Variants in CALU observed in about 807,000 individuals in gnomAD.
The protein encoded by CALU is calumenin.
CALU carries 13 observed loss-of-function variants against 37.5 expected under a neutral mutation model. The observed-to-expected ratio is 0.35, with a 90% CI of 0.23 to 0.55. The LOEUF (loss-of-function observed/expected upper bound fraction) is 0.55, where lower values mean the gene tolerates loss of function less well. Among genes scored for constraint, CALU ranks in the 20% least tolerant of loss-of-function variants. The pLI is 0.89. For missense variants in CALU, 282 were observed against 391.7 expected (o/e 0.72, Z 2.36); for synonymous variants, 114 against 133.8 (o/e 0.85, Z 1.02).
intron 5 of CALU, among the ~76,000 whole-genome samples, chr7:128,760,775 G>C (rs1039487108): frequency 1.3e-5 from 2 of 152,220 alleles, no homozygotes; most frequent in Non-Finnish European, 2.9e-5. Context: ...GGGTGTAGTG[G>C]CAGGCGCCTG....
At chr7:128,765,272 GT>G (rs1320170620) in intron 5 of CALU, among the ~76,000 whole-genome samples, 1 of 152,016 alleles carries the variant, frequency 6.6e-6, no homozygotes, top group African/African-American at 2.4e-5. Flanking sequence ...CTAGGCTGGA[GT>G]GCAGTGGCAT....
intron 1 of CALU, among the ~76,000 whole-genome samples, chr7:128,746,762 C>CTTTTTTTTTTTTTTTTTTTTTTTT (rs71162530): frequency 8.2e-6 from 1 of 122,660 alleles, no homozygotes. Flanking sequence ...TCATGTCATT[C>CTTTTTTTTTTTTTTTTTTTTTTTT]TTTTTTTTTT....
intron 4 of CALU, 84 bp downstream of exon 4, chr7:128,759,121 CATATCTT>C: frequency 1.0e-6 from 1 of 975,042 alleles, no homozygotes; most frequent in Non-Finnish European, 1.6e-6. Context: ...CCTTATATAG[CATATCTT>C]ATATATATAT....
At chr7:128,746,762 C>CTTTTTTTTTTT (rs71162530) in intron 1 of CALU, among the ~76,000 whole-genome samples, 5 of 122,656 alleles carry the variant, frequency 4.1e-5, no homozygotes, top group Non-Finnish European at 6.6e-5. Context: ...TCATGTCATT[C>CTTTTTTTTTTT]TTTTTTTTTT....
chr7:128,768,847 C>CAAAAAAAAAAAAAAAAAA (rs1012831963), intron 6 of CALU, among the ~76,000 whole-genome samples: 1,164 of 55,004 alleles, frequency 0.021, 158 homozygotes, highest in Non-Finnish European at 0.025. Flanking sequence ...AACTCCGTCT[C>CAAAAAAAAAAAAAAAAAA]AAAAAAAAAA....
intron 1 of CALU, among the ~76,000 whole-genome samples, chr7:128,743,705 G>A (rs890879154): frequency 6.6e-6 from 1 of 151,852 alleles, no homozygotes; most frequent in African/African-American, 2.4e-5. Context: ...TATTTTTGGT[G>A]GAGATGGGAT....
rs1800791557 is a variant in CALU at position 128,754,455 on chromosome 7, G to A, written c.415G>A (p.Asp139Asn). ...YKNATYGYVL[D>N]DPDPDDGFNY... ...AAATGCCACCTACGGCTACGTTTTAGGTAGGTCCCTACTGTCTGGGGGAAA... is the reference window on the plus strand; with the variant it reads ...AAATGCCACCTACGGCTACGTTTTAAGTAGGTCCCTACTGTCTGGGGGAAA... Residue 139 changes from aspartate (D) to asparagine (N), a missense_variant and splice_region_variant, in exon 3 of 7, where the codon GAT (aspartate) becomes AAT (asparagine). Transcript: ENST00000249364. 6.2e-7 allele frequency: 1 copy of A among 1,612,376 alleles called. No individual in the cohort carries two copies. The highest frequency in any genetic ancestry group is 1.3e-5 in the African/African-American group (1 of 74,794).
chr7:128,748,496 G>A (rs562252787), intron 1 of CALU, 77 bp from the exon 2 acceptor site: 69 of 1,241,962 alleles, frequency 5.6e-5, no homozygotes, highest in Middle Eastern at 3.9e-4. Flanking sequence ...AGTTTAACTC[G>A]GATGTGAGCT....
chr7:128,753,091 A>AGTT (rs745684113), intron 2 of CALU, among the ~76,000 whole-genome samples: 1 of 152,264 alleles, frequency 6.6e-6, no homozygotes, highest in Non-Finnish European at 1.5e-5. Flanking sequence ...TTTAAGTAAT[A>AGTT]GTTGTATCTA....
intron 2 of CALU, among the ~76,000 whole-genome samples, chr7:128,751,286 CAAAA>C (rs34162068): frequency 9.6e-6 from 1 of 104,302 alleles, no homozygotes. Context: ...GACTCCGTCT[CAAAA>C]AAAAAAAAAA....
chr7:128,743,156 ATT>A (rs895018086), intron 1 of CALU, among the ~76,000 whole-genome samples: 1 of 147,906 alleles, frequency 6.8e-6, no homozygotes. Flanking sequence ...ACAGGCCTAG[ATT>A]TTTTTTTTTT....
chr7:128,754,711 G>A (rs1263161404), intron 3 of CALU: 3 of 1,549,540 alleles, frequency 1.9e-6, no homozygotes, highest in Non-Finnish European at 1.7e-6. Context: ...GTGACTTATG[G>A]CACTTACCTG....
At chr7:128,763,689 A>T (rs76232263) in intron 5 of CALU, among the ~76,000 whole-genome samples, 75 of 152,336 alleles carry the variant, frequency 4.9e-4, no homozygotes, top group Non-Finnish European at 1.0e-3. Flanking sequence ...AGAACTTTCC[A>T]ATCTGTATCC....
At chr7:128,759,992 C>T (rs998132014) in intron 5 of CALU, 140 bp downstream of exon 5, 1 of 551,460 alleles carries the variant, frequency 1.8e-6, no homozygotes, top group Non-Finnish European at 3.3e-6. Flanking sequence ...GGTCAGGAGT[C>T]CAAGTCCAGC....
At chr7:128,754,177 G>A in intron 2 of CALU, 85 bp from the exon 3 acceptor site, 3 of 1,017,934 alleles carry the variant, frequency 2.9e-6, no homozygotes, top group Non-Finnish European at 4.3e-6. Context: ...TTATTTCTGT[G>A]CATTAGCCCT....
At chr7:128,764,349 C>A (rs909099352) in intron 5 of CALU, among the ~76,000 whole-genome samples, 1 of 152,124 alleles carries the variant, frequency 6.6e-6, no homozygotes, top group South Asian at 2.1e-4. Flanking sequence ...TCACTTGAGC[C>A]TGAGGGTTTG....
rs1285549649 is a variant in CALU at position 128,772,526 on chromosome 7, C to G, written c.*3359C>G. 8 of 1,613,974 alleles carry G rather than the reference C, an allele frequency of 5.0e-6. No homozygotes were observed. The African/African-American group carries it at 9.3e-5, about 19-fold the overall frequency. ...TTTAATTCTAGCTGTTGCAAACAGG[C>G]CAATATTGGGTCCTCAGTTGGGGCC... is the stretch of plus-strand genomic sequence containing the variant. On this transcript the variant is annotated 3_prime_UTR_variant, in exon 7 of 7. Transcript: ENST00000249364.
At chr7:128,748,936 G>T (rs1800553817) in intron 2 of CALU, 132 bp downstream of exon 2, 1 of 608,474 alleles carries the variant, frequency 1.6e-6, no homozygotes, top group Non-Finnish European at 2.9e-6. Flanking sequence ...AGCTAACCAT[G>T]GAATTACTAC....
In CALU at chr7:128,749,437, A is replaced by T. The variant is rs1227793480; in HGVS notation, c.221+633A>T. 2.0e-5 allele frequency among the ~76,000 whole-genome samples: 3 copies of T among 152,208 alleles called. No homozygotes were observed. The East Asian group carries it at 5.8e-4, about 29-fold the overall frequency. On this transcript the variant is annotated intron_variant, in intron 2 of 6. Coordinates refer to ENST00000249364, the MANE Select transcript of CALU (RefSeq NM_001219.5). The stretch of plus-strand genomic sequence containing the variant: ...TTGTCCTGAAAAATGGATTTGGTAG[A>T]ATCCCAGTTGATTATTTCTAATTGG...
Sources: gnomAD v4.1 joint callset for allele counts (sites outside exome capture counted in the v4.1 genomes callset) on GRCh38, gnomAD v4.1.1 for gene constraint, MANE v1.5 for transcripts, NCBI Gene and HGNC (gene_info 2026-07-23, HGNC 2026-07-21) for gene names.